ATP10B: variants seen among roughly 807,000 people sequenced by gnomAD.
ATP10B encodes the protein phospholipid-transporting ATPase VB.
ATP10B carries 122 observed loss-of-function variants against 141.2 expected under a neutral mutation model. That is an observed-to-expected ratio of 0.86 (90% CI 0.75 to 1.00). The LOEUF is 1.00. ATP10B is among the 50% of genes least tolerant of loss of function. The pLI, the probability that ATP10B is intolerant of heterozygous loss-of-function variation, is 0.00. For synonymous variants in ATP10B, 685 were observed against 692.0 expected (o/e 0.99, Z 0.16); for missense variants, 1,876 against 1,825.3 (o/e 1.03, Z -0.51).
At chr5:160,579,646 A>T (rs1247896295) in intron 24 of ATP10B, among the ~76,000 whole-genome samples, 1 of 151,600 alleles carries the variant, frequency 6.6e-6, no homozygotes, top group Non-Finnish European at 1.5e-5. Context: ...TCTTGTCTAT[A>T]TGGGTTGTTT....
chr5:160,660,428 T>C (rs1443750566), intron 7 of ATP10B, among the ~76,000 whole-genome samples: 1 of 152,188 alleles, frequency 6.6e-6, no homozygotes, highest in Non-Finnish European at 1.5e-5. Context: ...CAGATATTTT[T>C]AAAACCATGA....
At position 160,657,806 on chromosome 5, in the gene ATP10B, T is replaced by C. The variant is rs574492498; in HGVS notation, c.676-8550A>G. On this transcript the variant is annotated intron_variant, in intron 7 of 25. Transcript: ENST00000327245. ...ACCCTGTATCTCTCTTGTTTACTTC[T>C]GGGTCCCCAGAGCATGCTACAGCAT... Among the ~76,000 whole-genome samples the C allele has an allele frequency of 9.2e-4, 140 of 152,352 alleles. 1 individual carries two copies. The highest frequency in any genetic ancestry group is 3.3e-3 in the African/African-American group (136 of 41,580).
the ATP10B span, among the ~76,000 whole-genome samples, chr5:160,883,269 T>C: frequency 2.0e-5 from 3 of 152,188 alleles, no homozygotes; most frequent in Admixed American, 6.5e-5. Context: ...AGAGTCTTTA[T>C]TGAAGAATCT....
the ATP10B span, among the ~76,000 whole-genome samples, chr5:160,902,934 C>T: frequency 6.6e-6 from 1 of 152,150 alleles, no homozygotes; most frequent in Non-Finnish European, 1.5e-5. Flanking sequence ...AGAGGATGAG[C>T]CTACCTGTGT....
intron 2 of ATP10B, among the ~76,000 whole-genome samples, chr5:160,766,336 G>GC (rs1769409542): frequency 1.0e-5 from 1 of 98,054 alleles, no homozygotes; most frequent in South Asian, 3.5e-4. Flanking sequence ...TGGATAAAGA[G>GC]AACACACACA....
the ATP10B span, among the ~76,000 whole-genome samples, chr5:160,919,148 C>T: frequency 6.7e-5 from 9 of 135,290 alleles, no homozygotes; most frequent in Non-Finnish European, 1.4e-4. Context: ...GGCGTGAACC[C>T]GGGAGGCGGA....
intron 24 of ATP10B, among the ~76,000 whole-genome samples, chr5:160,576,871 C>G (rs1755225780): frequency 1.3e-5 from 2 of 152,146 alleles, no homozygotes; most frequent in African/African-American, 4.8e-5. Flanking sequence ...GGACTCTGTC[C>G]TAAGAGCAAT....
At chr5:160,617,529 G>A (rs757428599) in intron 16 of ATP10B, among the ~76,000 whole-genome samples, 2 of 152,084 alleles carry the variant, frequency 1.3e-5, no homozygotes, top group East Asian at 3.9e-4. Context: ...CATATAAAAG[G>A]TCCCCAAATT....
At chr5:160,597,710 A>G (rs1403693393) in intron 22 of ATP10B, among the ~76,000 whole-genome samples, 1 of 152,126 alleles carries the variant, frequency 6.6e-6, no homozygotes, top group East Asian at 1.9e-4. Flanking sequence ...AAAAAAATAA[A>G]CAACCCCATC....
At chr5:160,676,553 G>A (rs1316273285) in intron 6 of ATP10B, among the ~76,000 whole-genome samples, 1 of 152,064 alleles carries the variant, frequency 6.6e-6, no homozygotes, top group Non-Finnish European at 1.5e-5. Context: ...GATGATCCTG[G>A]GTCTTATATT....
At chr5:160,736,632 C>T (rs146263845) in intron 2 of ATP10B, among the ~76,000 whole-genome samples, 336 of 152,194 alleles carry the variant, frequency 2.2e-3, no homozygotes, top group African/African-American at 7.2e-3. Flanking sequence ...TGGTGGCGTA[C>T]GCCTGTAGTC....
At chr5:160,703,924 C>G (rs1764822404) in intron 3 of ATP10B, among the ~76,000 whole-genome samples, 1 of 152,136 alleles carries the variant, frequency 6.6e-6, no homozygotes, top group South Asian at 2.1e-4. Context: ...ACATTAATCT[C>G]CTTGTACGTT....
chr5:160,799,984 T>G (rs1018613916), intron 1 of ATP10B, among the ~76,000 whole-genome samples: 1 of 152,210 alleles, frequency 6.6e-6, no homozygotes, highest in African/African-American at 2.4e-5. Flanking sequence ...AACCAAATGT[T>G]GCATATTCTT....
chr5:160,621,977 T>A (rs1645952850), intron 14 of ATP10B, among the ~76,000 whole-genome samples: 1 of 152,212 alleles, frequency 6.6e-6, no homozygotes, highest in Non-Finnish European at 1.5e-5. Context: ...TGTCCTTCAT[T>A]ACCTTGAGTT....
chr5:160,608,458 C>A (rs1343691597), intron 18 of ATP10B, among the ~76,000 whole-genome samples: 1 of 152,078 alleles, frequency 6.6e-6, no homozygotes, highest in East Asian at 1.9e-4. Context: ...AATGGGATGT[C>A]TGGGTCAAAT....
chr5:160,736,106 A>T (rs1561801908), intron 2 of ATP10B, among the ~76,000 whole-genome samples: 1 of 152,286 alleles, frequency 6.6e-6, no homozygotes, highest in Non-Finnish European at 1.5e-5. Context: ...CAAACCCAAA[A>T]TTAGTCGAAG....
At chr5:160,597,634 G>A (rs1282931039) in intron 22 of ATP10B, among the ~76,000 whole-genome samples, 1 of 151,968 alleles carries the variant, frequency 6.6e-6, no homozygotes, top group Admixed American at 6.6e-5. Flanking sequence ...GAAAATTTTT[G>A]CAACCTACTC....
chr5:160,726,677 G>A (rs985468992), intron 2 of ATP10B, among the ~76,000 whole-genome samples: 1 of 149,220 alleles, frequency 6.7e-6, no homozygotes, highest in East Asian at 2.0e-4. Flanking sequence ...GAAGGAGTAG[G>A]GGGGGAGGAG....
intron 22 of ATP10B, among the ~76,000 whole-genome samples, chr5:160,594,336 G>A (rs1027391443): frequency 1.3e-5 from 2 of 152,162 alleles, no homozygotes; most frequent in Non-Finnish European, 2.9e-5. Flanking sequence ...ACAGACAAAT[G>A]CTGAGAGATT....
Sources: gnomAD v4.1 joint callset for allele counts (sites outside exome capture counted in the v4.1 genomes callset) on GRCh38, gnomAD v4.1.1 for gene constraint, MANE v1.5 for transcripts, NCBI Gene and HGNC (gene_info 2026-07-23, HGNC 2026-07-21) for gene names.